The following MTMR9 variants were observed in gnomAD, a reference collection of about 807,000 sequenced individuals.
MTMR9 encodes the protein myotubularin related protein 9, also known as myotubularin-related protein 9.
MTMR9 carries 39 observed loss-of-function variants against 69.5 expected under a neutral mutation model. The ratio of observed to expected loss-of-function variants is 0.56; its 90% CI spans 0.43 to 0.73. The LOEUF (loss-of-function observed/expected upper bound fraction) is 0.73, where lower values mean the gene tolerates loss of function less well. Ranked by LOEUF, MTMR9 falls within the 30% of genes least tolerant of loss-of-function variation. MTMR9 has a pLI of 0.00. For missense variants in MTMR9, 900 were observed against 671.2 expected, an observed-to-expected ratio of 1.34 and a Z score of -3.77; for synonymous variants, 354 against 240.8, an observed-to-expected ratio of 1.47 and a Z score of -4.35.
chr8:11,304,990 C>G lies in MTMR9; in HGVS notation c.567C>G (p.Ser189Arg), dbSNP rs375744728. The change falls in exon 4 of 10, where the codon AGC becomes AGG. Residue 189 changes from serine (S) to arginine (R), a missense_variant. Ser to Arg is a moderately radical substitution (Grantham distance 110, BLOSUM62 -1). Transcript: ENST00000221086. ...FRHGGRFPVL[S>R]YYHKKNGMVI... ...ATGGAGGGCGCTTCCCAGTACTAAG[C>G]TATTACCACAAAAAAAATGGGATGG... The G allele has an allele frequency of 5.6e-6, 9 of 1,613,790 alleles. No homozygotes were observed. In the African/African-American group the frequency reaches 9.3e-5, roughly 17 times the overall value.
intron 8 of MTMR9, chr8:11,318,360 A>C (rs1800517030): frequency 6.6e-6 from 1 of 152,236 alleles, no homozygotes; most frequent in Non-Finnish European, 1.5e-5. Flanking sequence ...GGTTCCTGGG[A>C]ACATAGCGTG....
chr8:11,304,801 G>A (rs1468389022), intron 3 of MTMR9, 40 bp from the exon 4 acceptor site: 1 of 1,592,874 alleles, frequency 6.3e-7, no homozygotes, highest in South Asian at 1.1e-5. Context: ...TTGCGACATT[G>A]AGATAGTTGC....
intron 4 of MTMR9, 105 bp downstream of exon 4, chr8:11,305,119 C>G (rs1412264819): frequency 1.8e-6 from 2 of 1,117,782 alleles, no homozygotes; most frequent in African/African-American, 1.6e-5. Flanking sequence ...AAATGATTGT[C>G]CAGGTCTCCA....
intron 1 of MTMR9, among the ~76,000 whole-genome samples, chr8:11,292,967 TG>T (rs1799420794): frequency 6.6e-6 from 1 of 152,236 alleles, no homozygotes; most frequent in East Asian, 1.9e-4. Flanking sequence ...ATAGTATACT[TG>T]TTATTGTTAT....
chr8:11,325,885 T>G lies in MTMR9; in HGVS notation c.*3097T>G, dbSNP rs946966813. 7 of 152,170 alleles carry G rather than the reference T, an allele frequency of 4.6e-5. No homozygotes were observed. Among genetic ancestry groups the G allele is most frequent in the African/African-American group, 9.7e-5 (4 of 41,432 alleles). The allele number at this position is 152,170 out of a possible 1,614,324, so 9.4% of individuals were successfully genotyped here. A position where few individuals can be genotyped will look rare whatever the true frequency, so the allele number is the denominator to read the frequency against. ...GAAAACTTAGGGTCTCAAAGCAAGATTTTAAAGTGATTTTTGAGAAGACTT... is the reference window on the plus strand; with the variant it reads ...GAAAACTTAGGGTCTCAAAGCAAGAGTTTAAAGTGATTTTTGAGAAGACTT... On this transcript the variant is annotated 3_prime_UTR_variant, in exon 10 of 10. Transcript: ENST00000221086.
At position 11,290,074 on chromosome 8, in the gene MTMR9, T is replaced by A. The variant is rs151304008; in HGVS notation, c.182+5004T>A. ...ATGACAATTGCACATTGCCTTCCCA[T>A]GATGGTGCAGGAGAGGGTACCTCGT... is the stretch of plus-strand genomic sequence containing the variant. On this transcript the variant is annotated intron_variant, in intron 1 of 9. Coordinates refer to ENST00000221086, the MANE Select transcript of MTMR9 (RefSeq NM_015458.4). Among the ~76,000 whole-genome samples, 265 of 152,340 alleles carry A rather than the reference T, an allele frequency of 1.7e-3. 1 individual carries two copies. The highest frequency in any genetic ancestry group is 6.0e-3 in the African/African-American group (251 of 41,588).
chr8:11,319,557 T>G, intron 8 of MTMR9, 130 bp from the exon 9 acceptor site: 1 of 916,024 alleles, frequency 1.1e-6, no homozygotes, highest in Non-Finnish European at 1.6e-6. Flanking sequence ...TTTCAACACT[T>G]TGTTTCTCTA....
Position 11,316,658 on chromosome 8 carries a change from C to T in MTMR9, c.1114-15C>T. The T allele has an allele frequency of 6.4e-7, 1 of 1,565,262 alleles. No individual in the cohort carries two copies. Reference sequence around the variant, plus strand: ...TCACCAGGATATGACTGTCACGCCTCCATCTTCCCCCTAGGCTGGTCACCC... The same window carrying T: ...TCACCAGGATATGACTGTCACGCCTTCATCTTCCCCCTAGGCTGGTCACCC... On this transcript the variant is annotated splice_polypyrimidine_tract_variant and intron_variant, in intron 7 of 9. Transcript: ENST00000221086.
intron 8 of MTMR9, chr8:11,317,541 G>A (rs1485546995): frequency 1.3e-5 from 2 of 152,146 alleles, no homozygotes; most frequent in South Asian, 2.1e-4. Context: ...GACAGGAGGT[G>A]GAAATACGCG....
Position 11,326,960 on chromosome 8 carries a change from A to T in MTMR9, c.*4172A>T, listed in dbSNP as rs1585144124. The T allele has an allele frequency of 7.8e-6, 1 of 128,528 alleles. No individual in the cohort carries two copies. The allele number at this position is 128,528 out of a possible 1,614,324, so 8.0% of individuals were successfully genotyped here. Reference sequence around the variant, plus strand: ...ACTCCAGCCTGGGCGAAAGGGCAAGACTCCATCTCAAAAAAAAAAAAAAAA... The same window carrying T: ...ACTCCAGCCTGGGCGAAAGGGCAAGTCTCCATCTCAAAAAAAAAAAAAAAA... On this transcript the variant is annotated 3_prime_UTR_variant, in exon 10 of 10. Coordinates refer to ENST00000221086, the MANE Select transcript of MTMR9 (RefSeq NM_015458.4).
At chr8:11,291,818 C>A (rs1014337420) in intron 1 of MTMR9, among the ~76,000 whole-genome samples, 2 of 151,934 alleles carry the variant, frequency 1.3e-5, no homozygotes, top group Non-Finnish European at 2.9e-5. Flanking sequence ...TGTTTTTTTA[C>A]TGACAGTTTG....
At chr8:11,309,814 C>A in intron 6 of MTMR9, 126 bp downstream of exon 6, 2 of 943,818 alleles carry the variant, frequency 2.1e-6, no homozygotes, top group Non-Finnish European at 3.1e-6. Context: ...CTAGTCAACA[C>A]CATCCCATTA....
chr8:11,290,857 G>A (rs948210728), intron 1 of MTMR9, among the ~76,000 whole-genome samples: 1 of 143,998 alleles, frequency 6.9e-6, no homozygotes, highest in Admixed American at 7.0e-5. Context: ...TAGTTGCCCC[G>A]CTTTCGTTTT....
rs755203622 is a variant in MTMR9 at position 11,316,826 on chromosome 8, A to C, written c.1267A>C (p.Ile423Leu). The change falls in exon 8 of 10, where the codon ATC (isoleucine) becomes CTC (leucine). Residue 423 changes from isoleucine to leucine, a missense_variant. Physicochemically the swap from Ile to Leu is conservative, Grantham distance 5. Coordinates refer to ENST00000221086, the MANE Select transcript of MTMR9 (RefSeq NM_015458.4). ...CSFEFNENFL[I>L]MLFEHAYASQ... ...TTTTGAGTTTAATGAGAATTTCCTC[A>C]TCATGCTCTTTGAGCATGCTTATGC... is the stretch of plus-strand genomic sequence containing the variant. The C allele has an allele frequency of 5.0e-6, 8 of 1,613,728 alleles. No homozygotes were observed. Among genetic ancestry groups the C allele is most frequent in the Non-Finnish European group, 6.8e-6 (8 of 1,179,888 alleles).
chr8:11,309,012 A>G (rs1373325994), intron 5 of MTMR9, among the ~76,000 whole-genome samples: 1 of 152,168 alleles, frequency 6.6e-6, no homozygotes, highest in Non-Finnish European at 1.5e-5. Context: ...ATTTCTCCCC[A>G]TATCGACCTA....
chr8:11,293,527 G>T (rs1326259380), intron 1 of MTMR9, among the ~76,000 whole-genome samples: 2 of 152,102 alleles, frequency 1.3e-5, no homozygotes, highest in Non-Finnish European at 2.9e-5. Context: ...CTTTAACCCT[G>T]TGTTTCAAAG....
chr8:11,309,455 G>A (rs913585043), intron 5 of MTMR9, 72 bp from the exon 6 acceptor site: 1 of 1,355,052 alleles, frequency 7.4e-7, no homozygotes, highest in Admixed American at 2.1e-5. Flanking sequence ...GTTGGAGGCT[G>A]AATCTTTGGT....
intron 8 of MTMR9, chr8:11,318,129 T>G (rs923407363): frequency 2.0e-5 from 3 of 152,216 alleles, no homozygotes; most frequent in Admixed American, 1.3e-4. Context: ...TTTTTTTTGG[T>G]GTTATACCTG....
chr8:11,319,847 C>T lies in MTMR9; in HGVS notation c.1486+9C>T, dbSNP rs776019670. The T allele has an allele frequency of 1.1e-5, 18 of 1,613,704 alleles. No homozygotes were observed. In the East Asian group the frequency reaches 1.3e-4, roughly 12 times the overall value. ...TCTTCCACTGTGGGAAGGTAAACCA[C>T]GCATCCTTTGCAAACTTCTTAACGG... On this transcript the variant is annotated intron_variant, in intron 9 of 9. Coordinates refer to ENST00000221086, the MANE Select transcript of MTMR9 (RefSeq NM_015458.4).
Sources: gnomAD v4.1 joint callset for allele counts (sites outside exome capture counted in the v4.1 genomes callset) on GRCh38, gnomAD v4.1.1 for gene constraint, MANE v1.5 for transcripts, NCBI Gene and HGNC (gene_info 2026-07-23, HGNC 2026-07-21) for gene names.